Variants in KMT2C observed in about 807,000 individuals in gnomAD.
The protein encoded by KMT2C is histone-lysine N-methyltransferase 2C.
In KMT2C, 88 loss-of-function variants were observed where a neutral mutation model predicts 507.9. The observed-to-expected ratio is 0.17, with a 90% CI of 0.15 to 0.21. The LOEUF (loss-of-function observed/expected upper bound fraction) is 0.21. Ranked by LOEUF, KMT2C falls within the 10% of genes least tolerant of loss-of-function variation. The pLI is 1.00. For synonymous variants in KMT2C, 2,049 were observed against 2,080.8 expected, an observed-to-expected ratio of 0.98 and a Z score of 0.42; for missense variants, 4,954 against 5,957.8, an observed-to-expected ratio of 0.83 and a Z score of 5.55.
intron 2 of KMT2C, among the ~76,000 whole-genome samples, chr7:152,335,956 T>C (rs1348938278): frequency 2.0e-5 from 3 of 152,006 alleles, no homozygotes; most frequent in Non-Finnish European, 2.9e-5. Context: ...CGGCACCAGA[T>C]CTGATCCCAT....
chr7:152,147,503 C>A (rs1456751344), intron 52 of KMT2C, among the ~76,000 whole-genome samples: 3 of 151,646 alleles, frequency 2.0e-5, no homozygotes, highest in African/African-American at 7.3e-5. Flanking sequence ...GGCCAACATG[C>A]TGAAACCCTA....
In KMT2C at chr7:152,171,328, C is replaced by A. The variant is rs149118569; in HGVS notation, c.9389G>T (p.Gly3130Val). ...PMVMSRFPFM[G>V]QVVTGTQNSE... ...GTTCTGTGTTCCAGTTACCACCTGG[C>A]CCATAAAAGGGAACCTGTCAAAACA... The change falls in exon 40 of 59, where the codon GGC becomes GTC. Residue 3130 changes from glycine to valine, a missense_variant. By Grantham distance (109) the Gly-to-Val change is moderately radical (BLOSUM62 -3). Transcript: ENST00000262189. 104 of 1,603,780 alleles carry A rather than the reference C, an allele frequency of 6.5e-5. No homozygotes were observed. Among genetic ancestry groups the A allele is most frequent in the Non-Finnish European group, 4.3e-5 (50 of 1,174,916 alleles).
chr7:152,224,331 G>A (rs1019983604), intron 19 of KMT2C, 104 bp downstream of exon 19: 11 of 1,282,036 alleles, frequency 8.6e-6, no homozygotes, highest in South Asian at 1.4e-5. Flanking sequence ...CATAGAATAT[G>A]TGTATTATTC....
intron 2 of KMT2C, among the ~76,000 whole-genome samples, chr7:152,357,037 C>T (rs1041669853): frequency 2.7e-5 from 4 of 150,650 alleles, no homozygotes; most frequent in African/African-American, 7.3e-5. Context: ...AGACCAGCCT[C>T]GTCAACATGG....
chr7:152,332,258 A>G (rs1449980011), intron 2 of KMT2C, among the ~76,000 whole-genome samples: 1 of 152,150 alleles, frequency 6.6e-6, no homozygotes, highest in African/African-American at 2.4e-5. Flanking sequence ...AATAAAAATT[A>G]TATGTCCACT....
At chr7:152,151,277 T>C (rs1216316919) in intron 50 of KMT2C, among the ~76,000 whole-genome samples, 165 bp downstream of exon 50, 1 of 152,174 alleles carries the variant, frequency 6.6e-6, no homozygotes, top group Non-Finnish European at 1.5e-5. Context: ...TGTAGCTCTT[T>C]GGTGTTCAGC....
At chr7:152,190,947 TCTCA>T (rs1416994683) in intron 31 of KMT2C, among the ~76,000 whole-genome samples, 2 of 152,290 alleles carry the variant, frequency 1.3e-5, no homozygotes, top group African/African-American at 2.4e-5. Flanking sequence ...ATCCTATACC[TCTCA>T]CTCAATGTCT....
intron 1 of KMT2C, among the ~76,000 whole-genome samples, chr7:152,370,616 A>G (rs2097286604): frequency 6.6e-6 from 1 of 152,240 alleles, no homozygotes; most frequent in Non-Finnish European, 1.5e-5. Flanking sequence ...ATCATCAAGA[A>G]TATATTAGCA....
Position 152,251,961 on chromosome 7 carries a change from C to T in KMT2C, c.1599G>A (p.Val533=), listed in dbSNP as rs577356366. The change falls in exon 11 of 59, where the codon GTG becomes GTA. Residue 533 remains valine, a synonymous_variant. Coordinates refer to ENST00000262189, the MANE Select transcript of KMT2C (RefSeq NM_170606.3). ...EMDRLQPGEE[V]EIAELTTDYN... is the part of the protein sequence containing the mutation. ...TACCTGTAGTGAGCTCAGCTATCTC[C>T]ACTTCCTCACCTGGCTGTAAACGAT... The T allele has an allele frequency of 5.0e-6, 8 of 1,609,546 alleles. No homozygotes were observed. In the African/African-American group the frequency reaches 6.7e-5, roughly 13 times the overall value.
chr7:152,399,605 C>G (rs1284152754), intron 1 of KMT2C, among the ~76,000 whole-genome samples: 1 of 151,934 alleles, frequency 6.6e-6, no homozygotes, highest in Non-Finnish European at 1.5e-5. Flanking sequence ...GTGAACCCTT[C>G]TACTAAATCT....
chr7:152,292,582 C>T (rs1418099505), intron 6 of KMT2C, among the ~76,000 whole-genome samples: 1 of 152,050 alleles, frequency 6.6e-6, no homozygotes, highest in East Asian at 1.9e-4. Context: ...AAATTTTTTT[C>T]AGACATTTTA....
intron 2 of KMT2C, among the ~76,000 whole-genome samples, chr7:152,346,022 A>C (rs968629574): frequency 3.3e-5 from 5 of 152,350 alleles, no homozygotes; most frequent in African/African-American, 9.6e-5. Context: ...GAATAAAGAA[A>C]GGCATTTTAT....
chr7:152,187,614 A>C, intron 32 of KMT2C, 101 bp downstream of exon 32: 1 of 1,457,632 alleles, frequency 6.9e-7, no homozygotes, highest in Non-Finnish European at 9.4e-7. Flanking sequence ...TAAACGCAAC[A>C]TACAATAATA....
At chr7:152,397,216 G>C (rs1262273138) in intron 1 of KMT2C, among the ~76,000 whole-genome samples, 1 of 145,806 alleles carries the variant, frequency 6.9e-6, no homozygotes, top group African/African-American at 2.5e-5. Flanking sequence ...TTTTTTTTTA[G>C]ATGGAGTCTC....
At chr7:152,339,610 G>C (rs2096971303) in intron 2 of KMT2C, among the ~76,000 whole-genome samples, 1 of 152,024 alleles carries the variant, frequency 6.6e-6, no homozygotes, top group Non-Finnish European at 1.5e-5. Context: ...ATTTGAAAAA[G>C]AGTCCATGGA....
chr7:152,162,316 G>C lies in KMT2C; in HGVS notation c.11261C>G (p.Ser3754Cys). The C allele has an allele frequency of 6.2e-7, 1 of 1,614,220 alleles. No homozygotes were observed. The highest frequency in any genetic ancestry group is 8.5e-7 in the Non-Finnish European group (1 of 1,180,040). The stretch of plus-strand genomic sequence containing the variant: ...AGAATGGGGAGGACTCTGTGCTGAG[G>C]AGACAGGACAGGCTACAGCGTTTCC... ...VEGNAVACPV[S>C]SAQSPPHSAG... is the part of the protein sequence containing the mutation. Residue 3754 changes from serine (S) to cysteine (C), a missense_variant, in exon 43 of 59, where the codon TCC becomes TGC. Ser to Cys is a moderately radical substitution (Grantham distance 112). Coordinates refer to ENST00000262189, the MANE Select transcript of KMT2C (RefSeq NM_170606.3).
chr7:152,410,315 G>C (rs1275086643), intron 1 of KMT2C, among the ~76,000 whole-genome samples: 2 of 152,276 alleles, frequency 1.3e-5, no homozygotes, highest in African/African-American at 4.8e-5. Context: ...GGGAGGCTGA[G>C]GCAGAAGAAT....
chr7:152,336,086 C>T (rs1239408157), intron 2 of KMT2C, among the ~76,000 whole-genome samples: 1 of 151,890 alleles, frequency 6.6e-6, no homozygotes, highest in Non-Finnish European at 1.5e-5. Context: ...CAGTAGGGAG[C>T]GATAGTTTTG....
At chr7:152,412,387 C>A (rs557156641) in intron 1 of KMT2C, among the ~76,000 whole-genome samples, 6 of 152,286 alleles carry the variant, frequency 3.9e-5, no homozygotes, top group Non-Finnish European at 7.4e-5. Flanking sequence ...GGCGACAGAG[C>A]AAGACTCCCT....
Sources: allele counts gnomAD v4.1 joint callset (sites outside exome capture counted in the v4.1 genomes callset), GRCh38; gene constraint gnomAD v4.1.1; transcripts MANE v1.5; gene names NCBI Gene and HGNC (gene_info 2026-07-23, HGNC 2026-07-21).